Variants in DNMT3B observed in about 807,000 individuals in gnomAD.
The protein encoded by DNMT3B is DNA methyltransferase 3 beta.
A neutral mutation model predicts 120.2 loss-of-function variants in DNMT3B; 37 were observed. That is an observed-to-expected ratio of 0.31 (90% confidence interval 0.24 to 0.40). The LOEUF (loss-of-function observed/expected upper bound fraction) is 0.40. DNMT3B is among the 10% of genes least tolerant of loss of function. The pLI, the probability that DNMT3B is intolerant of heterozygous loss-of-function variation, is 1.00. For synonymous variants in DNMT3B, 412 were observed against 442.8 expected (o/e 0.93, Z 0.87); for missense variants, 878 against 1,137.3 (o/e 0.77, Z 3.28).
At position 32,797,214 on chromosome 20, in the gene DNMT3B, T is replaced by A. The variant is rs1980735138; in HGVS notation, c.1405T>A (p.Tyr469Asn). Reference protein sequence around the residue: ...RDRFLELFYMYDDDGYQSYCT... With the variant: ...RDRFLELFYMNDDDGYQSYCT... The stretch of plus-strand genomic sequence containing the variant: ...TCGCTTCCTTGAGCTGTTTTACATG[T>A]ATGATGACGATGGCTATCAGTCTTA... The change falls in exon 14 of 23, where the codon TAT (tyrosine) becomes AAT (asparagine). Residue 469 changes from tyrosine to asparagine, a missense_variant. By Grantham distance (143) the Tyr-to-Asn change is moderately radical. Around this residue, in one of 4 missense-constraint regions of DNMT3B, gnomAD observed 334 missense variants for 518.8 expected, o/e 0.64. Coordinates refer to ENST00000328111, the MANE Select transcript of DNMT3B (RefSeq NM_006892.4). 1 of 1,614,058 alleles carries A rather than the reference T, an allele frequency of 6.2e-7. No homozygotes were observed. The highest frequency in any genetic ancestry group is 8.5e-7 in the Non-Finnish European group (1 of 1,180,064).
intron 4 of DNMT3B, among the ~76,000 whole-genome samples, chr20:32,785,373 T>G (rs1314887348): frequency 6.6e-6 from 1 of 152,100 alleles, no homozygotes; most frequent in Non-Finnish European, 1.5e-5. Flanking sequence ...TTCTTTCAGG[T>G]GGTTTTTAAG....
At chr20:32,795,835 C>T in intron 12 of DNMT3B, 141 bp downstream of exon 12, 1 of 1,095,516 alleles carries the variant, frequency 9.1e-7, no homozygotes, top group Non-Finnish European at 1.4e-6. Flanking sequence ...TTTCTGGACC[C>T]TGCATCTTAG....
chr20:32,804,707 G>C (rs77410291), intron 20 of DNMT3B, among the ~76,000 whole-genome samples: 29 of 116,922 alleles, frequency 2.5e-4, no homozygotes, highest in African/African-American at 8.6e-4. Context: ...TTTTTTTTTG[G>C]AACCTTAAGA....
chr20:32,774,982 A>C (rs2145878833), intron 1 of DNMT3B, among the ~76,000 whole-genome samples: 1 of 151,940 alleles, frequency 6.6e-6, no homozygotes, highest in Admixed American at 6.6e-5. Context: ...TCAGCCTCCC[A>C]AAGTGCTGGG....
At chr20:32,797,037 C>T in intron 13 of DNMT3B, 150 bp from the exon 14 acceptor site, 1 of 1,607,750 alleles carries the variant, frequency 6.2e-7, no homozygotes, top group African/African-American at 1.3e-5. Context: ...AGGCCAATGG[C>T]ACGCAGGTCA....
At chr20:32,784,637 T>C (rs941268683) in intron 3 of DNMT3B, 121 bp from the exon 4 acceptor site, 1 of 1,050,026 alleles carries the variant, frequency 9.5e-7, no homozygotes, top group Non-Finnish European at 1.4e-6. Flanking sequence ...TGTGTTGTGA[T>C]GAGTGACCCG....
intron 19 of DNMT3B, 103 bp from the exon 20 acceptor site, chr20:32,802,282 G>A: frequency 8.1e-7 from 1 of 1,239,250 alleles, no homozygotes; most frequent in Non-Finnish European, 1.2e-6. Flanking sequence ...GAGGATCCGT[G>A]CCTCATCCAT....
intron 2 of DNMT3B, 92 bp from the exon 3 acceptor site, chr20:32,781,261 C>A: frequency 1.5e-6 from 2 of 1,356,442 alleles, no homozygotes; most frequent in Non-Finnish European, 1.0e-6. Flanking sequence ...AGATCCCAGG[C>A]CACGCCACGG....
intron 1 of DNMT3B, among the ~76,000 whole-genome samples, chr20:32,775,860 A>C (rs905756143): frequency 2.6e-5 from 4 of 152,230 alleles, no homozygotes; most frequent in African/African-American, 9.7e-5. Context: ...TGGCACTGCC[A>C]CTTCTCTGGG....
chr20:32,798,793 T>A, intron 15 of DNMT3B, 150 bp downstream of exon 15: 1 of 1,162,728 alleles, frequency 8.6e-7, no homozygotes, highest in Non-Finnish European at 1.2e-6. Flanking sequence ...AATTGCCAGC[T>A]CCTCTGCACG....
At position 32,803,090 on chromosome 20, in the gene DNMT3B, A is replaced by G. The variant is rs1183803105; in HGVS notation, c.2231+620A>G. Among the ~76,000 whole-genome samples, 5 of 152,330 alleles carry G rather than the reference A, an allele frequency of 3.3e-5. No homozygotes were observed. In the East Asian group the frequency reaches 5.8e-4, roughly 18 times the overall value. Reference sequence around the variant, plus strand: ...GGTGGCAGAGCTGCTATGACAAACAATAGCCCAAAGACTATGTCCCTCAGA... The same window carrying G: ...GGTGGCAGAGCTGCTATGACAAACAGTAGCCCAAAGACTATGTCCCTCAGA... On this transcript the variant is annotated intron_variant, in intron 20 of 22. Coordinates refer to ENST00000328111, the MANE Select transcript of DNMT3B (RefSeq NM_006892.4).
intron 16 of DNMT3B, 116 bp downstream of exon 16, chr20:32,799,444 A>C: frequency 8.4e-7 from 1 of 1,188,562 alleles, no homozygotes; most frequent in Non-Finnish European, 1.2e-6. Context: ...CCTGGGGATT[A>C]CCAGCCCTGA....
rs1310355808 is a variant in DNMT3B, at chr20:32,795,277, AC to A, written c.1127-131del. 4 of 1,389,876 alleles carry A rather than the reference AC, an allele frequency of 2.9e-6. No homozygotes were observed. The Admixed American group carries it at 6.7e-5, about 23-fold the overall frequency. The allele number at this position is 1,389,876 out of a possible 1,614,324, so 86.1% of individuals were successfully genotyped here. A position where few individuals can be genotyped will look rare whatever the true frequency, so the allele number is the denominator to read the frequency against. ...TGAGTTGCCCATCAAGGGGCCATATACATTCAGTGTGGACCCCCTGTCATGC... is the reference window on the plus strand; with the variant it reads ...TGAGTTGCCCATCAAGGGGCCATATAATTCAGTGTGGACCCCCTGTCATGC... On this transcript the variant is annotated intron_variant, in intron 10 of 22. Coordinates refer to ENST00000328111, the MANE Select transcript of DNMT3B (RefSeq NM_006892.4).
At chr20:32,784,565 G>A (rs1350357631) in intron 3 of DNMT3B, among the ~76,000 whole-genome samples, 193 bp from the exon 4 acceptor site, 1 of 152,190 alleles carries the variant, frequency 6.6e-6, no homozygotes, top group Non-Finnish European at 1.5e-5. Flanking sequence ...CATGGTGCAG[G>A]TTTCATGCCA....
At chr20:32,776,355 T>C (rs950726796) in intron 1 of DNMT3B, among the ~76,000 whole-genome samples, 8 of 152,158 alleles carry the variant, frequency 5.3e-5, no homozygotes, top group African/African-American at 1.9e-4. Flanking sequence ...AAATCCAGCA[T>C]GTCTGCCACT....
At chr20:32,774,990 G>A (rs369187518) in intron 1 of DNMT3B, among the ~76,000 whole-genome samples, 9 of 152,182 alleles carry the variant, frequency 5.9e-5, no homozygotes, top group African/African-American at 1.9e-4. Flanking sequence ...CCAAAGTGCT[G>A]GGATTACAAG....
intron 1 of DNMT3B, among the ~76,000 whole-genome samples, chr20:32,772,591 A>G (rs1479098765): frequency 0.013 from 2,013 of 152,214 alleles, 44 homozygotes; most frequent in African/African-American, 0.044. Context: ...GTTACCATTG[A>G]CCACTCCTTG....
intron 14 of DNMT3B, 70 bp downstream of exon 14, chr20:32,797,369 A>ACTG: frequency 6.9e-7 from 1 of 1,458,434 alleles, no homozygotes; most frequent in Non-Finnish European, 9.5e-7. Flanking sequence ...CAGTCTGCAG[A>ACTG]CAGCTGTCTG....
chr20:32,784,313 G>A (rs978895746), intron 3 of DNMT3B, among the ~76,000 whole-genome samples: 3 of 152,158 alleles, frequency 2.0e-5, no homozygotes, highest in African/African-American at 7.2e-5. Context: ...GGGATTACAG[G>A]TATGAGCCAC....
Sources: allele counts gnomAD v4.1 joint callset (sites outside exome capture counted in the v4.1 genomes callset), GRCh38; gene constraint gnomAD v4.1.1; regional missense constraint gnomAD v4.1.1; transcripts MANE v1.5; gene names NCBI Gene and HGNC (gene_info 2026-07-23, HGNC 2026-07-21).